The following DMRT2 variants were observed in gnomAD, a reference collection of about 807,000 sequenced individuals.
DMRT2 encodes the protein doublesex- and mab-3-related transcription factor 2.
In DMRT2, 33 loss-of-function variants were observed where a neutral mutation model predicts 43.5. The observed-to-expected ratio is 0.76, with a 90% CI of 0.58 to 1.01. The LOEUF (loss-of-function observed/expected upper bound fraction) is 1.01, where lower values mean the gene tolerates loss of function less well. Among genes scored for constraint, DMRT2 ranks in the 50% least tolerant of loss-of-function variants. The pLI is 0.00. For missense variants in DMRT2, 1,064 were observed against 748.0 expected, an observed-to-expected ratio of 1.42 and a Z score of -4.93; for synonymous variants, 395 against 309.2, an observed-to-expected ratio of 1.28 and a Z score of -2.91.
At chr9:1,055,821 A>G in intron 3 of DMRT2, 3 of 1,514,820 alleles carry the variant, frequency 2.0e-6, no homozygotes, top group Non-Finnish European at 8.8e-7. Context: ...TTTTTTAATA[A>G]TGAAAAAAGA....
In DMRT2 at chr9:1,051,930, C is replaced by T; in HGVS notation, c.317C>T (p.Thr106Ile). The T allele has an allele frequency of 7.3e-7, 1 of 1,364,750 alleles. No homozygotes were observed. The highest frequency in any genetic ancestry group is 9.4e-7 in the Non-Finnish European group (1 of 1,068,542). The allele number at this position is 1,364,750 out of a possible 1,614,324, so 84.5% of individuals were successfully genotyped here. Residue 106 changes from threonine (T) to isoleucine (I), a missense_variant, in exon 2 of 4, where the codon ACT becomes ATT. By Grantham distance (89) the Thr-to-Ile change is moderately conservative (BLOSUM62 -1). Coordinates refer to ENST00000358146, the MANE Select transcript of DMRT2 (RefSeq NM_181872.6). This position sits in a 1 kb window ranked among gnomAD's most constrained non-coding sequence, Gnocchi z 5.9. ...GGCACCGGTCCCCGAGAGCGCTGCA[C>T]TCCCGCGGGCGGCGGCGCGGAGCCG... The part of the protein sequence containing the change: ...PAGTGPRERC[T>I]PAGGGAEPRK...
Position 1,056,413 on chromosome 9 carries a change from C to T in DMRT2, c.826C>T (p.Pro276Ser). The change falls in exon 4 of 4, where the codon CCT (proline) becomes TCT (serine). Residue 276 changes from proline to serine, a missense_variant. By Grantham distance (74) the Pro-to-Ser change is moderately conservative (BLOSUM62 -1). Transcript: ENST00000358146. ...TCTGTTTCTGCCCAACCGCATGGTG[C>T]CTGGACCTGACTACAATTCCTACAA... ...AALFLPNRMV[P>S]GPDYNSYKSA... The T allele has an allele frequency of 6.2e-7, 1 of 1,614,164 alleles. No homozygotes were observed. The highest frequency in any genetic ancestry group is 8.5e-7 in the Non-Finnish European group (1 of 1,180,036).
Position 1,051,450 on chromosome 9 carries a change from A to G in DMRT2, c.-44-120A>G. The stretch of plus-strand genomic sequence containing the variant: ...TGTGGCCTGGAAGTGAGGGACATGT[A>G]ATGAGAACAGGATGACTCAAGCGGC... On this transcript the variant is annotated intron_variant, in intron 1 of 3. Coordinates refer to ENST00000358146, the MANE Select transcript of DMRT2 (RefSeq NM_181872.6). The surrounding 1 kb of genome is among the most constrained non-coding windows in gnomAD (Gnocchi z 5.9). The G allele has an allele frequency of 8.3e-7, 1 of 1,201,332 alleles. No individual in the cohort carries two copies. The highest frequency in any genetic ancestry group is 1.1e-6 in the Non-Finnish European group (1 of 915,082). The allele number at this position is 1,201,332 out of a possible 1,614,324, so 74.4% of individuals were successfully genotyped here. A position where few individuals can be genotyped will look rare whatever the true frequency, so the allele number is the denominator to read the frequency against.
rs1189936176 is a variant in DMRT2 at position 1,051,314 on chromosome 9, G to T, written c.-44-256G>T. On this transcript the variant is annotated intron_variant, in intron 1 of 3. Coordinates refer to ENST00000358146, the MANE Select transcript of DMRT2 (RefSeq NM_181872.6). This position sits in a 1 kb window ranked among gnomAD's most constrained non-coding sequence, Gnocchi z 5.9. Reference sequence around the variant, plus strand: ...TGTCCGGAAAGCCCGTGTAAAGCCAGAGAGGGCCACGGTTAAAGGTCAGGT... The same window carrying T: ...TGTCCGGAAAGCCCGTGTAAAGCCATAGAGGGCCACGGTTAAAGGTCAGGT... 6.6e-6 allele frequency among the ~76,000 whole-genome samples: 1 copy of T among 152,238 alleles called. No individual in the cohort carries two copies. Among genetic ancestry groups the T allele is most frequent in the Non-Finnish European group, 1.5e-5 (1 of 68,036 alleles).
rs1362402492 is a variant in DMRT2, at chr9:1,057,286, A to G, written c.*13A>G. ...TGTCTCTCAGTGAAAGGCTGCTTAAACAGAAAGCTGGATTTTCTGCAGTCT... is the reference window on the plus strand; with the variant it reads ...TGTCTCTCAGTGAAAGGCTGCTTAAGCAGAAAGCTGGATTTTCTGCAGTCT... On this transcript the variant is annotated 3_prime_UTR_variant, in exon 4 of 4. Transcript: ENST00000358146. The G allele has an allele frequency of 2.5e-6, 4 of 1,591,962 alleles. No individual in the cohort carries two copies. The highest frequency in any genetic ancestry group is 1.4e-5 in the African/African-American group (1 of 73,286).
Position 1,051,830 on chromosome 9 carries a change from G to C in DMRT2, c.217G>C (p.Gly73Arg), listed in dbSNP as rs943210273. 20 of 1,446,462 alleles carry C rather than the reference G, an allele frequency of 1.4e-5. No individual in the cohort carries two copies. The highest frequency in any genetic ancestry group is 1.8e-5 in the Non-Finnish European group (20 of 1,106,864). The allele number at this position is 1,446,462 out of a possible 1,614,324, so 89.6% of individuals were successfully genotyped here. The change falls in exon 2 of 4, where the codon GGG becomes CGG. Residue 73 changes from glycine to arginine, a missense_variant. Physicochemically the swap from Gly to Arg is moderately radical, Grantham distance 125. Coordinates refer to ENST00000358146, the MANE Select transcript of DMRT2 (RefSeq NM_181872.6). This position sits in a 1 kb window ranked among gnomAD's most constrained non-coding sequence, Gnocchi z 5.9. ...CGGCGAGGAGGCAGGCGCGTCCCCC[G>C]GGATGCCCGGCCAGCCGGAGCAGCG... ...GDGEEAGASP[G>R]MPGQPEQRGG...
chr9:1,054,824 GT>G (rs972824913), intron 3 of DMRT2, among the ~76,000 whole-genome samples: 1 of 152,172 alleles, frequency 6.6e-6, no homozygotes, highest in East Asian at 1.9e-4. Flanking sequence ...TTTGGATTCT[GT>G]TTTTTTCTTG....
At chr9:1,052,861 G>A (rs1158670893) in intron 2 of DMRT2, 3 of 152,250 alleles carry the variant, frequency 2.0e-5, no homozygotes, top group African/African-American at 7.2e-5. Context: ...AGCGAGCGAG[G>A]CTTCACAGGG....
rs114957944 is a variant in DMRT2, at chr9:1,051,021, G to C, written c.-45+246G>C. Among the ~76,000 whole-genome samples, 2,123 of 152,238 alleles carry C rather than the reference G, an allele frequency of 0.014. 57 individuals are homozygous for C. Among genetic ancestry groups the C allele is most frequent in the African/African-American group, 0.048 (2,008 of 41,530 alleles). Reference sequence around the variant, plus strand: ...ATTTTGGTTTTCAGTTGAGTATTTTGGGGAGGGGGGTGAGAGGACCTCTTC... The same window carrying C: ...ATTTTGGTTTTCAGTTGAGTATTTTCGGGAGGGGGGTGAGAGGACCTCTTC... On this transcript the variant is annotated intron_variant, in intron 1 of 3. Coordinates refer to ENST00000358146, the MANE Select transcript of DMRT2 (RefSeq NM_181872.6). The surrounding 1 kb of genome is among the most constrained non-coding windows in gnomAD (Gnocchi z 5.9).
intron 3 of DMRT2, among the ~76,000 whole-genome samples, chr9:1,055,290 G>A (rs1821896791): frequency 6.6e-6 from 1 of 152,176 alleles, no homozygotes; most frequent in South Asian, 2.1e-4. Flanking sequence ...TATGACAGAG[G>A]TGAGTGCTTG....
Position 1,052,085 on chromosome 9 carries a change from C to A in DMRT2, c.472C>A (p.Arg158=), listed in dbSNP as rs1012335797. 6.9e-7 allele frequency: 1 copy of A among 1,455,024 alleles called. No individual in the cohort carries two copies. The highest frequency in any genetic ancestry group is 9.0e-7 in the Non-Finnish European group (1 of 1,109,616). The allele number at this position is 1,455,024 out of a possible 1,614,324, so 90.1% of individuals were successfully genotyped here. Residue 158 remains arginine (R), a synonymous_variant, in exon 2 of 4, where the codon CGG becomes AGG. Transcript: ENST00000358146. The stretch of plus-strand genomic sequence containing the variant: ...CGCCAACTGCCTGCTGGTGGTGGAG[C>A]GGCAGCGCGTCATGGCCGCCCAGGT... ...QCANCLLVVE[R]QRVMAAQVAL... is the part of the protein sequence containing the mutation.
Position 1,057,092 on chromosome 9 carries a change from A to AAC in DMRT2, c.1509_1510dup (p.Arg504ThrfsTer5). The AAC allele has an allele frequency of 6.2e-7, 1 of 1,614,208 alleles. No homozygotes were observed. The highest frequency in any genetic ancestry group is 2.2e-5 in the East Asian group (1 of 44,880). ...GAGGCCTTTGAAGAGACCCCTAAGA[A>AAC]ACACAGAGAGTGTTTAGTTAAGGAC... On this transcript the variant is annotated frameshift_variant, in exon 4 of 4. Coordinates refer to ENST00000358146, the MANE Select transcript of DMRT2 (RefSeq NM_181872.6). LOFTEE classifies it high-confidence loss of function.
intron 2 of DMRT2, among the ~76,000 whole-genome samples, chr9:1,052,362 C>G (rs1037336827): frequency 1.3e-5 from 2 of 152,128 alleles, no homozygotes; most frequent in African/African-American, 4.8e-5. Flanking sequence ...TCTTAAAAAG[C>G]AGGCAGAGAG....
rs145393386 is a variant in DMRT2, at chr9:1,056,244, T to C, written c.657T>C (p.Tyr219=). 2,463 of 1,613,466 alleles carry C rather than the reference T, an allele frequency of 1.5e-3. 4 individuals carry two copies. Among genetic ancestry groups the C allele is most frequent in the Non-Finnish European group, 1.4e-3 (1,598 of 1,179,752 alleles). The part of the protein sequence containing the change: ...EGYRPIPAET[Y]VGGTFPLPPP... ...ATCGCCCCATTCCAGCGGAGACTTA[T>C]GTAGGAGGGACCTTCCCTCTACCTC... Residue 219 remains tyrosine, a synonymous_variant, in exon 4 of 4, where the codon TAT becomes TAC. Coordinates refer to ENST00000358146, the MANE Select transcript of DMRT2 (RefSeq NM_181872.6).
intron 3 of DMRT2, among the ~76,000 whole-genome samples, chr9:1,055,301 G>T (rs1454157869): frequency 2.6e-5 from 4 of 152,146 alleles, no homozygotes; most frequent in African/African-American, 4.8e-5. Context: ...TGAGTGCTTG[G>T]GGGTGATGAA....
chr9:1,053,248 A>C (rs367908055), intron 2 of DMRT2: 1 of 153,722 alleles, frequency 6.5e-6, no homozygotes, highest in African/African-American at 2.4e-5. Flanking sequence ...TCATTCCCCT[A>C]TCACCCCACC....
In DMRT2 at chr9:1,056,419, C is replaced by T; in HGVS notation, c.832C>T (p.Pro278Ser). The T allele has an allele frequency of 6.2e-7, 1 of 1,614,182 alleles. No homozygotes were observed. Among genetic ancestry groups the T allele is most frequent in the Non-Finnish European group, 8.5e-7 (1 of 1,180,034 alleles). Residue 278 changes from proline to serine, a missense_variant, in exon 4 of 4, where the codon CCT becomes TCT. Pro to Ser is a moderately conservative substitution (Grantham distance 74). Coordinates refer to ENST00000358146, the MANE Select transcript of DMRT2 (RefSeq NM_181872.6). ...LFLPNRMVPG[P>S]DYNSYKSAYS... ...TCTGCCCAACCGCATGGTGCCTGGA[C>T]CTGACTACAATTCCTACAAAAGTGC...
rs34422902 is a variant in DMRT2, at chr9:1,054,408, C to CTT, written c.628+599_628+600dup. On this transcript the variant is annotated intron_variant, in intron 3 of 3. Coordinates refer to ENST00000358146, the MANE Select transcript of DMRT2 (RefSeq NM_181872.6). ...TCAGATTCCGCTCTTTTTCATTGTA[C>CTT]TTTTTTTTTTTTTTTTGGATTACTT... Among the ~76,000 whole-genome samples, 82 of 138,146 alleles carry CTT rather than the reference C, an allele frequency of 5.9e-4. 1 individual carries two copies. Among genetic ancestry groups the CTT allele is most frequent in the African/African-American group, 2.0e-3 (76 of 37,918 alleles). The allele number at this position is 138,146 out of a possible 152,430, so 90.6% of individuals were successfully genotyped here. A position where few individuals can be genotyped will look rare whatever the true frequency, so the allele number is the denominator to read the frequency against.
Position 1,057,048 on chromosome 9 carries a change from G to A in DMRT2, c.1461G>A (p.Leu487=). Residue 487 remains leucine, a synonymous_variant, in exon 4 of 4, where the codon TTG becomes TTA. Coordinates refer to ENST00000358146, the MANE Select transcript of DMRT2 (RefSeq NM_181872.6). ...QTLTDKSGPE[L]KTPFVKEAFE... The stretch of plus-strand genomic sequence containing the variant: ...TTACTGACAAATCGGGTCCTGAGTT[G>A]AAAACACCATTTGTCAAAGAGGCCT... The A allele has an allele frequency of 1.2e-6, 2 of 1,614,204 alleles. No individual in the cohort carries two copies. The highest frequency in any genetic ancestry group is 2.2e-5 in the South Asian group (2 of 91,082).
Sources: allele counts gnomAD v4.1 joint callset (sites outside exome capture counted in the v4.1 genomes callset), GRCh38; gene constraint gnomAD v4.1.1; non-coding constraint Gnocchi (gnomAD v3.1); transcripts MANE v1.5; gene names NCBI Gene and HGNC (gene_info 2026-07-23, HGNC 2026-07-21).